EHD4: variants seen among roughly 807,000 people sequenced by gnomAD.
The protein encoded by EHD4 is EH domain-containing protein 4.
A neutral mutation model predicts 51.0 loss-of-function variants in EHD4; 37 were observed. That is an observed-to-expected ratio of 0.73 (90% CI 0.56 to 0.95). The LOEUF (loss-of-function observed/expected upper bound fraction) is 0.95. Ranked by LOEUF, EHD4 falls within the 40% of genes least tolerant of loss-of-function variation. The pLI, the probability that EHD4 is intolerant of heterozygous loss-of-function variation, is 0.00. For missense variants in EHD4, 632 were observed against 733.1 expected, an observed-to-expected ratio of 0.86 and a Z score of 1.59; for synonymous variants, 297 against 317.3, an observed-to-expected ratio of 0.94 and a Z score of 0.68.
intron 4 of EHD4, among the ~76,000 whole-genome samples, chr15:41,910,633 G>A (rs908813923): frequency 6.6e-6 from 1 of 152,200 alleles, no homozygotes; most frequent in African/African-American, 2.4e-5. Context: ...GGAACAGCGT[G>A]ATCTTGGCTC....
chr15:41,904,225 G>A lies in EHD4; in HGVS notation c.1090-3044C>T, dbSNP rs143491440. Among the ~76,000 whole-genome samples the A allele has an allele frequency of 4.2e-3, 641 of 152,326 alleles. 4 individuals are homozygous for A. The highest frequency in any genetic ancestry group is 0.014 in the African/African-American group (562 of 41,572). On this transcript the variant is annotated intron_variant, in intron 5 of 5. Coordinates refer to ENST00000220325, the MANE Select transcript of EHD4 (RefSeq NM_139265.4). ...AACTTCCCACCAGCCTGCAGGGGCC[G>A]TGGATTCCGACTGCAGAGCTCTGGA...
At chr15:41,936,035 T>G (rs1258313846) in intron 3 of EHD4, among the ~76,000 whole-genome samples, 1 of 151,988 alleles carries the variant, frequency 6.6e-6, no homozygotes, top group Non-Finnish European at 1.5e-5. Flanking sequence ...CTACTAAGAG[T>G]AGTTGGACTT....
chr15:41,941,570 CTGTTTTTTGGTGTTTTTTTTTT>C (rs1199328782), intron 3 of EHD4: 2 of 142,628 alleles, frequency 1.4e-5, no homozygotes, highest in Admixed American at 1.4e-4. Flanking sequence ...TAGCATTAAC[CTGTTTTTTGGTGTTTTTTTTTT>C]TGTTTTTTTT....
At position 41,919,255 on chromosome 15, in the gene EHD4, C is replaced by A; in HGVS notation, c.879G>T (p.Ala293=). 2 of 1,614,112 alleles carry A rather than the reference C, an allele frequency of 1.2e-6. No individual in the cohort carries two copies. Among genetic ancestry groups the A allele is most frequent in the African/African-American group, 1.3e-5 (1 of 75,060 alleles). Residue 293 remains alanine, a synonymous_variant, in exon 4 of 6, where the codon GCG becomes GCT. Transcript: ENST00000220325. ...RDIQSLPQKA[A]VRKLNDLIKR... is the part of the protein sequence containing the mutation. Reference sequence around the variant, plus strand: ...TGATGAGGTCGTTGAGCTTGCGCACCGCTGCCTTCTGGGGGAGGCTCTGGA... The same window carrying A: ...TGATGAGGTCGTTGAGCTTGCGCACAGCTGCCTTCTGGGGGAGGCTCTGGA...
chr15:41,937,444 C>T (rs1312147431), intron 3 of EHD4, among the ~76,000 whole-genome samples: 1 of 152,228 alleles, frequency 6.6e-6, no homozygotes, highest in Non-Finnish European at 1.5e-5. Context: ...CGCTGGCCTA[C>T]AGCGCCCTGC....
chr15:41,939,873 G>T (rs78278759), intron 3 of EHD4, among the ~76,000 whole-genome samples: 2 of 151,750 alleles, frequency 1.3e-5, no homozygotes, highest in Non-Finnish European at 2.9e-5. Context: ...GTTTCCATAC[G>T]GAGTAGTATA....
intron 3 of EHD4, among the ~76,000 whole-genome samples, chr15:41,926,613 C>G (rs1338822277): frequency 2.0e-5 from 3 of 152,356 alleles, no homozygotes; most frequent in Non-Finnish European, 2.9e-5. Context: ...CGATCCCCAT[C>G]CCTTCTTAGA....
intron 4 of EHD4, among the ~76,000 whole-genome samples, chr15:41,917,141 G>T (rs2067590452): frequency 1.7e-5 from 2 of 114,286 alleles, no homozygotes; most frequent in Admixed American, 2.0e-4. Context: ...ATTTATTTGA[G>T]ACAGAGTCTC....
chr15:41,954,723 G>A (rs759376264), intron 1 of EHD4, among the ~76,000 whole-genome samples: 11 of 151,774 alleles, frequency 7.2e-5, no homozygotes, highest in African/African-American at 2.2e-4. Context: ...CTGCTGCCTC[G>A]ACCTCCTGGG....
chr15:41,948,908 C>T (rs2067833025), intron 2 of EHD4, among the ~76,000 whole-genome samples: 1 of 150,894 alleles, frequency 6.6e-6, no homozygotes, highest in Admixed American at 6.6e-5. Flanking sequence ...ACACGCCTGT[C>T]GTCCCAGCAA....
Position 41,972,538 on chromosome 15 carries a change from G to T in EHD4, c.-44C>A, listed in dbSNP as rs752846838. On this transcript the variant is annotated 5_prime_UTR_variant, in exon 1 of 6. Coordinates refer to ENST00000220325, the MANE Select transcript of EHD4 (RefSeq NM_139265.4). Reference sequence around the variant, plus strand: ...TCGGATGGGACCCTGCTCCGGGTTCGACTCTCCCCGGCTCGCACTGAGCCG... The same window carrying T: ...TCGGATGGGACCCTGCTCCGGGTTCTACTCTCCCCGGCTCGCACTGAGCCG... 1.4e-6 allele frequency: 2 copies of T among 1,441,998 alleles called. No homozygotes were observed. The highest frequency in any genetic ancestry group is 1.4e-5 in the South Asian group (1 of 69,264). 89.3% of individuals were successfully genotyped at this position (1,441,998 alleles called of 1,614,324 possible). A position where few individuals can be genotyped will look rare whatever the true frequency, so the allele number is the denominator to read the frequency against.
intron 1 of EHD4, among the ~76,000 whole-genome samples, chr15:41,960,555 A>G (rs112678843): frequency 7.6e-4 from 116 of 151,794 alleles, no homozygotes; most frequent in African/African-American, 2.4e-3. Flanking sequence ...ATAGCTTTCT[A>G]TTTTTTGCTG....
chr15:41,965,897 C>T (rs902206403), intron 1 of EHD4, among the ~76,000 whole-genome samples: 1 of 151,826 alleles, frequency 6.6e-6, no homozygotes, highest in African/African-American at 2.4e-5. Flanking sequence ...CTTCCCTGCT[C>T]GGACTGCAGC....
At chr15:41,903,995 G>C (rs2067495987) in intron 5 of EHD4, among the ~76,000 whole-genome samples, 1 of 151,866 alleles carries the variant, frequency 6.6e-6, no homozygotes, top group Non-Finnish European at 1.5e-5. Context: ...ACATCTCAAT[G>C]GGCCAAGGAG....
intron 3 of EHD4, among the ~76,000 whole-genome samples, chr15:41,923,254 C>A (rs779616741): frequency 3.9e-5 from 6 of 152,166 alleles, no homozygotes; most frequent in Non-Finnish European, 7.3e-5. Flanking sequence ...TTGTGCCCGG[C>A]TTCTTTCACT....
intron 4 of EHD4, among the ~76,000 whole-genome samples, chr15:41,917,846 G>A (rs1381682983): frequency 6.6e-6 from 1 of 152,228 alleles, no homozygotes; most frequent in Non-Finnish European, 1.5e-5. Flanking sequence ...AGGAAGAACA[G>A]ATAAAGAAGG....
chr15:41,938,139 C>G (rs191724456), intron 3 of EHD4, among the ~76,000 whole-genome samples: 5 of 152,278 alleles, frequency 3.3e-5, no homozygotes, highest in Admixed American at 6.5e-5. Context: ...TGTGGCATCA[C>G]GTCAAAAAGT....
At chr15:41,971,458 T>C (rs2067994604) in intron 1 of EHD4, among the ~76,000 whole-genome samples, 1 of 152,234 alleles carries the variant, frequency 6.6e-6, no homozygotes, top group East Asian at 1.9e-4. Context: ...GTCTAAATAA[T>C]TTCCCAGCAA....
At position 41,949,051 on chromosome 15, in the gene EHD4, T is replaced by TATATATAC. The variant is rs1491135423; in HGVS notation, c.413+4712_413+4713insGTATATAT. Among the ~76,000 whole-genome samples, 990 of 108,956 alleles carry TATATATAC rather than the reference T, an allele frequency of 9.1e-3. 9 individuals are homozygous for TATATATAC. The highest frequency in any genetic ancestry group is 0.015 in the South Asian group (40 of 2,700). 71.5% of individuals were successfully genotyped at this position (108,956 alleles called of 152,430 possible). The stretch of plus-strand genomic sequence containing the variant: ...ATATATATATATATATATATATATA[T>TATATATAC]ACACACATACACACACACATACATA... On this transcript the variant is annotated intron_variant, in intron 2 of 5. Coordinates refer to ENST00000220325, the MANE Select transcript of EHD4 (RefSeq NM_139265.4).
Sources: gnomAD v4.1 joint callset for allele counts (sites outside exome capture counted in the v4.1 genomes callset) on GRCh38, gnomAD v4.1.1 for gene constraint, MANE v1.5 for transcripts, NCBI Gene and HGNC (gene_info 2026-07-23, HGNC 2026-07-21) for gene names.